ANGPT1: variants seen among roughly 807,000 people sequenced by gnomAD.
ANGPT1 encodes the protein angiopoietin 1, also known as angiopoietin-1.
In ANGPT1, 17 loss-of-function variants were observed where a neutral mutation model predicts 62.2. That is an observed-to-expected ratio of 0.27 (90% CI 0.19 to 0.41). The LOEUF (loss-of-function observed/expected upper bound fraction) is 0.41. ANGPT1 is among the 10% of genes least tolerant of loss of function. The pLI is 1.00. For missense variants in ANGPT1, 478 were observed against 594.9 expected, an observed-to-expected ratio of 0.80 and a Z score of 2.04; for synonymous variants, 199 against 198.9, an observed-to-expected ratio of 1.00 and a Z score of 0.00.
chr8:107,464,003 A>C (rs1368489), intron 1 of ANGPT1, among the ~76,000 whole-genome samples: 2 of 151,378 alleles, frequency 1.3e-5, no homozygotes. Flanking sequence ...CTGGGACTTA[A>C]CATTTGCTTC....
intron 5 of ANGPT1, among the ~76,000 whole-genome samples, chr8:107,297,480 T>A (rs1401135162): frequency 6.6e-6 from 1 of 151,672 alleles, no homozygotes; most frequent in Non-Finnish European, 1.5e-5. Context: ...GTATTACTGA[T>A]GACATAATAT....
intron 1 of ANGPT1, among the ~76,000 whole-genome samples, chr8:107,463,389 T>C (rs1307444982): frequency 2.6e-5 from 4 of 152,064 alleles, no homozygotes; most frequent in African/African-American, 7.2e-5. Context: ...ACCACAGAAA[T>C]TGTCAGATAA....
chr8:107,413,346 C>T (rs1194868895), intron 1 of ANGPT1, among the ~76,000 whole-genome samples: 1 of 152,082 alleles, frequency 6.6e-6, no homozygotes, highest in Non-Finnish European at 1.5e-5. Flanking sequence ...CCCCAGCCTT[C>T]CTGCCTCGAA....
At chr8:107,446,103 G>A (rs569928509) in intron 1 of ANGPT1, among the ~76,000 whole-genome samples, 2 of 152,092 alleles carry the variant, frequency 1.3e-5, no homozygotes, top group East Asian at 1.9e-4. Context: ...ATTTTTAGTA[G>A]AGACTGGGTT....
At chr8:107,306,311 T>C (rs949492767) in intron 4 of ANGPT1, among the ~76,000 whole-genome samples, 3 of 152,106 alleles carry the variant, frequency 2.0e-5, no homozygotes, top group Non-Finnish European at 4.4e-5. Flanking sequence ...ATTTGGCTAA[T>C]TGGCTGGTTT....
chr8:107,428,082 A>G (rs1405326996), intron 1 of ANGPT1, among the ~76,000 whole-genome samples: 1 of 152,232 alleles, frequency 6.6e-6, no homozygotes, highest in East Asian at 1.9e-4. Context: ...TGTAATTTCC[A>G]TATGGCCTTT....
At chr8:107,445,386 C>T (rs1243510348) in intron 1 of ANGPT1, among the ~76,000 whole-genome samples, 1 of 152,122 alleles carries the variant, frequency 6.6e-6, no homozygotes, top group Middle Eastern at 3.2e-3. Context: ...ATTTTTGTCC[C>T]TTGGAAATGC....
intron 7 of ANGPT1, among the ~76,000 whole-genome samples, chr8:107,264,552 C>T (rs527273829): frequency 6.6e-6 from 1 of 152,130 alleles, no homozygotes; most frequent in East Asian, 1.9e-4. Context: ...TATGCATGCT[C>T]AAACTCATGT....
chr8:107,448,620 G>C lies in ANGPT1; in HGVS notation c.297+48642C>G, dbSNP rs1023600441. Among the ~76,000 whole-genome samples the C allele has an allele frequency of 3.3e-5, 5 of 152,126 alleles. No individual in the cohort carries two copies. In the South Asian group the frequency reaches 1.0e-3, roughly 32 times the overall value. ...TTTGATAGGACTGGCAACCCAGGAA[G>C]TGACCAGAAAGCAAGTGACCTTTGT... On this transcript the variant is annotated intron_variant, in intron 1 of 8. Transcript: ENST00000517746.
chr8:107,437,652 G>T (rs754719848), intron 1 of ANGPT1, among the ~76,000 whole-genome samples: 1 of 152,000 alleles, frequency 6.6e-6, no homozygotes, highest in Non-Finnish European at 1.5e-5. Context: ...ACTTAACCAG[G>T]CTCTATTAAA....
intron 8 of ANGPT1, 73 bp downstream of exon 8, chr8:107,264,148 T>C (rs926779535): frequency 9.9e-6 from 15 of 1,519,706 alleles, no homozygotes; most frequent in Admixed American, 8.6e-5. Flanking sequence ...ATCATACTCC[T>C]TTCTCATAGA....
chr8:107,381,580 C>A (rs1441433733), intron 1 of ANGPT1, among the ~76,000 whole-genome samples: 1 of 152,148 alleles, frequency 6.6e-6, no homozygotes, highest in African/African-American at 2.4e-5. Context: ...CTCCTGAATT[C>A]CATCTTTGTG....
intron 4 of ANGPT1, among the ~76,000 whole-genome samples, chr8:107,305,691 G>C (rs1484616863): frequency 1.3e-5 from 2 of 151,936 alleles, no homozygotes; most frequent in African/African-American, 4.8e-5. Context: ...TGTTGTTATG[G>C]TAACATATCT....
chr8:107,450,266 A>G (rs1231844797), intron 1 of ANGPT1, among the ~76,000 whole-genome samples: 1 of 152,072 alleles, frequency 6.6e-6, no homozygotes, highest in East Asian at 1.9e-4. Flanking sequence ...TAACAAACAC[A>G]TTTCATCTCT....
chr8:107,453,654 G>A (rs775394571), intron 1 of ANGPT1, among the ~76,000 whole-genome samples: 1 of 151,902 alleles, frequency 6.6e-6, no homozygotes, highest in Non-Finnish European at 1.5e-5. Context: ...CCATATCAAA[G>A]TTTTATTTTC....
At chr8:107,444,702 G>T (rs902206108) in intron 1 of ANGPT1, among the ~76,000 whole-genome samples, 5 of 152,066 alleles carry the variant, frequency 3.3e-5, no homozygotes, top group African/African-American at 7.2e-5. Context: ...CTATCTACAG[G>T]TTCAGGCATC....
At chr8:107,427,943 C>T (rs952132614) in intron 1 of ANGPT1, among the ~76,000 whole-genome samples, 1 of 152,152 alleles carries the variant, frequency 6.6e-6, no homozygotes, top group African/African-American at 2.4e-5. Context: ...TTTGGGAAGG[C>T]TAGGCTCCCT....
chr8:107,404,781 A>C (rs896834576), intron 1 of ANGPT1, among the ~76,000 whole-genome samples: 25 of 152,064 alleles, frequency 1.6e-4, no homozygotes, highest in African/African-American at 5.8e-4. Flanking sequence ...ACTGCTCTCC[A>C]AAAAGACTGT....
At chr8:107,376,421 T>C (rs2130259218) in intron 1 of ANGPT1, among the ~76,000 whole-genome samples, 1 of 152,212 alleles carries the variant, frequency 6.6e-6, no homozygotes, top group East Asian at 1.9e-4. Context: ...ATGGGAAAGG[T>C]AAAAATTAAA....
Sources: allele counts gnomAD v4.1 joint callset (sites outside exome capture counted in the v4.1 genomes callset), GRCh38; gene constraint gnomAD v4.1.1; transcripts MANE v1.5; gene names NCBI Gene and HGNC (gene_info 2026-07-23, HGNC 2026-07-21).